The following ADGRL2 variants were observed in gnomAD, a reference collection of about 807,000 sequenced individuals.
The protein encoded by ADGRL2 is calcium-independent alpha-latrotoxin receptor 2.
ADGRL2 carries 44 observed loss-of-function variants against 157.4 expected under a neutral mutation model. The observed-to-expected ratio is 0.28, with a 90% CI of 0.22 to 0.36. The LOEUF is 0.36. ADGRL2 is among the 10% of genes least tolerant of loss of function. ADGRL2 has a pLI of 1.00. For missense variants in ADGRL2, 1,510 were observed against 1,768.9 expected (o/e 0.85, Z 2.63); for synonymous variants, 585 against 624.7 (o/e 0.94, Z 0.95).
chr1:81,488,734 C>T lies in ADGRL2; in HGVS notation c.-248+43645C>T, dbSNP rs141001852. On this transcript the variant is annotated intron_variant, in intron 2 of 24. Coordinates refer to the ADGRL2 transcript ENST00000370721. ...AAAGGAGGAAAGTAAGTCCAGTTTT[C>T]GATTAAAAAAACCATGAGTCGTACA... 3.7e-3 allele frequency among the ~76,000 whole-genome samples: 566 copies of T among 151,156 alleles called. 1 individual carries two copies. Among genetic ancestry groups the T allele is most frequent in the African/African-American group, 8.1e-3 (333 of 41,152 alleles).
intron 3 of ADGRL2, among the ~76,000 whole-genome samples, chr1:81,653,294 C>G (rs1464571168): frequency 6.8e-6 from 1 of 147,528 alleles, no homozygotes; most frequent in Non-Finnish European, 1.5e-5. Flanking sequence ...ATTTCTGTAT[C>G]TTTCCCTTTC....
chr1:81,391,316 T>G (rs913487634), intron 1 of ADGRL2, among the ~76,000 whole-genome samples: 42 of 152,374 alleles, frequency 2.8e-4, no homozygotes, highest in African/African-American at 9.9e-4. Context: ...GCAACACCAC[T>G]GCAGCAAGTG....
chr1:81,881,584 A>G (rs981318272), intron 2 of ADGRL2, among the ~76,000 whole-genome samples: 23 of 152,184 alleles, frequency 1.5e-4, no homozygotes, highest in African/African-American at 5.5e-4. Flanking sequence ...GTTCTTGCTC[A>G]TGGTTATCCT....
At chr1:81,881,566 T>C (rs969517456) in intron 2 of ADGRL2, among the ~76,000 whole-genome samples, 5 of 152,182 alleles carry the variant, frequency 3.3e-5, no homozygotes, top group Non-Finnish European at 7.4e-5. Context: ...AAACCTGCCC[T>C]TGTGATTGTT....
intron 18 of ADGRL2, chr1:81,980,886 T>TAAC: frequency 1.6e-6 from 1 of 625,932 alleles, no homozygotes; most frequent in Admixed American, 2.2e-5. Flanking sequence ...GATTTGTATT[T>TAAC]TTTACAAATT....
chr1:81,819,397 A>G (rs756510845), intron 1 of ADGRL2, among the ~76,000 whole-genome samples: 14 of 152,094 alleles, frequency 9.2e-5, no homozygotes, highest in Non-Finnish European at 2.1e-4. Context: ...ATACTTTGAG[A>G]TGCATGTGTT....
chr1:81,630,078 A>G (rs2081984256), intron 3 of ADGRL2, among the ~76,000 whole-genome samples: 2 of 152,126 alleles, frequency 1.3e-5, no homozygotes, highest in African/African-American at 2.4e-5. Context: ...ATAATACATA[A>G]TAATTGCACA....
intron 3 of ADGRL2, among the ~76,000 whole-genome samples, chr1:81,616,697 G>GTTTTTTTTTC (rs2081661296): frequency 2.1e-5 from 2 of 93,700 alleles, no homozygotes; most frequent in Non-Finnish European, 4.5e-5. Flanking sequence ...TTTTTTTTGA[G>GTTTTTTTTTC]ACAGGGTCTC....
intron 2 of ADGRL2, chr1:81,502,169 C>G (rs1293599510): frequency 6.3e-7 from 1 of 1,591,988 alleles, no homozygotes; most frequent in African/African-American, 1.4e-5. Flanking sequence ...AGTAGCTCGC[C>G]AAGATCCCAG....
At position 81,984,646 on chromosome 1, in the gene ADGRL2, A is replaced by G. The variant is rs1662636806; in HGVS notation, c.3346A>G (p.Ser1116Gly). 2 of 1,612,612 alleles carry G rather than the reference A, an allele frequency of 1.2e-6. No individual in the cohort carries two copies. Among genetic ancestry groups the G allele is most frequent in the Non-Finnish European group, 1.7e-6 (2 of 1,178,936 alleles). Residue 1116 changes from serine to glycine, a missense_variant, in exon 20 of 24, where the codon AGT becomes GGT. By Grantham distance (56) the Ser-to-Gly change is moderately conservative. Around this residue, in one of 4 missense-constraint regions of ADGRL2, gnomAD observed 497 missense variants for 627.2 expected, o/e 0.79. Coordinates refer to ENST00000686636, the MANE Select transcript of ADGRL2 (RefSeq NM_001366006.2). Reference protein sequence around the residue: ...SYCCGGLPTESPHSSVKASTT... With the variant: ...SYCCGGLPTEGPHSSVKASTT... ...CTGCTGTGGAGGCCTCCCAACTGAGAGTCCCCACAGTTCAGTGAAGGCATC... is the reference window on the plus strand; with the variant it reads ...CTGCTGTGGAGGCCTCCCAACTGAGGGTCCCCACAGTTCAGTGAAGGCATC...
chr1:81,541,677 C>T (rs1219514524), intron 2 of ADGRL2, among the ~76,000 whole-genome samples: 2 of 151,876 alleles, frequency 1.3e-5, no homozygotes, highest in Admixed American at 6.6e-5. Context: ...CGGCTGGGCA[C>T]GGTTGCTCAC....
At chr1:81,465,551 T>C (rs1168240504) in intron 2 of ADGRL2, among the ~76,000 whole-genome samples, 1 of 152,140 alleles carries the variant, frequency 6.6e-6, no homozygotes, top group Non-Finnish European at 1.5e-5. Flanking sequence ...GCTAATCTAG[T>C]AGATTTTTCA....
chr1:81,352,365 G>A (rs1662960824), intron 1 of ADGRL2, among the ~76,000 whole-genome samples: 1 of 152,160 alleles, frequency 6.6e-6, no homozygotes, highest in South Asian at 2.1e-4. Context: ...ACAAAACCCA[G>A]CAAAATACCC....
intron 3 of ADGRL2, chr1:81,596,458 T>C: frequency 2.2e-6 from 1 of 460,716 alleles, no homozygotes; most frequent in Non-Finnish European, 4.2e-6. Flanking sequence ...ATTCAGTGAA[T>C]TGTCACCTCC....
At chr1:81,953,047 C>A (rs768652520) in intron 10 of ADGRL2, 22 bp downstream of exon 10, 1 of 1,603,450 alleles carries the variant, frequency 6.2e-7, no homozygotes, top group Admixed American at 1.7e-5. Context: ...GTGCTGTCAC[C>A]CTGCTTTCTC....
chr1:81,492,625 A>G (rs139935997), intron 2 of ADGRL2, among the ~76,000 whole-genome samples: 6 of 152,312 alleles, frequency 3.9e-5, no homozygotes, highest in African/African-American at 1.4e-4. Flanking sequence ...TTAAACTTAA[A>G]CTAAGAATGC....
At chr1:81,637,743 CAT>C (rs1484917785) in intron 3 of ADGRL2, among the ~76,000 whole-genome samples, 4 of 152,130 alleles carry the variant, frequency 2.6e-5, no homozygotes, top group East Asian at 1.9e-4. Context: ...TCAGTCCACA[CAT>C]GTTTCAATAC....
At chr1:81,802,880 G>T (rs1379383685) in intron 1 of ADGRL2, among the ~76,000 whole-genome samples, 1 of 152,156 alleles carries the variant, frequency 6.6e-6, no homozygotes, top group South Asian at 2.1e-4. Flanking sequence ...ACAGTAAAGC[G>T]CAGCCAGATG....
At chr1:81,364,912 C>A (rs964444829) in intron 1 of ADGRL2, among the ~76,000 whole-genome samples, 1 of 152,120 alleles carries the variant, frequency 6.6e-6, no homozygotes, top group Non-Finnish European at 1.5e-5. Flanking sequence ...GATCCACACA[C>A]CTAGGCCTCC....
Sources: allele counts gnomAD v4.1 joint callset (sites outside exome capture counted in the v4.1 genomes callset), GRCh38; gene constraint gnomAD v4.1.1; regional missense constraint gnomAD v4.1.1; transcripts MANE v1.5; gene names NCBI Gene and HGNC (gene_info 2026-07-23, HGNC 2026-07-21).